The following CDH6 variants were observed in gnomAD, a reference collection of about 807,000 sequenced individuals.
CDH6 encodes the protein cadherin 6.
A neutral mutation model predicts 78.0 loss-of-function variants in CDH6; 31 were observed. The ratio of observed to expected loss-of-function variants is 0.40; its 90% confidence interval spans 0.30 to 0.54. CDH6 has a LOEUF of 0.54. Ranked by LOEUF, CDH6 falls within the 20% of genes least tolerant of loss-of-function variation. The pLI, the probability that CDH6 is intolerant of heterozygous loss-of-function variation, is 0.56. For missense variants in CDH6, 724 were observed against 975.9 expected, an observed-to-expected ratio of 0.74 and a Z score of 3.44; for synonymous variants, 376 against 368.8, an observed-to-expected ratio of 1.02 and a Z score of -0.23.
At chr5:31,231,687 A>G (rs1170009705) in intron 1 of CDH6, among the ~76,000 whole-genome samples, 1 of 152,190 alleles carries the variant, frequency 6.6e-6, no homozygotes, top group South Asian at 2.1e-4. Flanking sequence ...TTTACTCCCC[A>G]TGATAACTCA....
chr5:31,293,908 TTTA>T, intron 2 of CDH6, 51 bp from the exon 3 acceptor site: 1 of 1,251,916 alleles, frequency 8.0e-7, no homozygotes, highest in Non-Finnish European at 1.1e-6. Flanking sequence ...ACAAAAACAG[TTTA>T]GAACCACATG....
intron 2 of CDH6, among the ~76,000 whole-genome samples, chr5:31,282,156 A>C (rs1742881370): frequency 6.6e-6 from 1 of 152,180 alleles, no homozygotes; most frequent in Non-Finnish European, 1.5e-5. Context: ...ACAAGTCACC[A>C]CAGATTTGTG....
Position 31,323,469 on chromosome 5 carries a change from C to T in CDH6, c.*161C>T. On this transcript the variant is annotated 3_prime_UTR_variant, in exon 12 of 12. Transcript: ENST00000265071. Reference sequence around the variant, plus strand: ...CAATGTTAGAGACTTTTTTCTAGTACACTTTTATGAGCTTCCAAGGGGCAA... The same window carrying T: ...CAATGTTAGAGACTTTTTTCTAGTATACTTTTATGAGCTTCCAAGGGGCAA... 1.2e-6 allele frequency: 1 copy of T among 805,080 alleles called. No homozygotes were observed. The highest frequency in any genetic ancestry group is 1.9e-6 in the Non-Finnish European group (1 of 529,788). 49.9% of individuals were successfully genotyped at this position (805,080 alleles called of 1,614,324 possible). A position where few individuals can be genotyped will look rare whatever the true frequency, so the allele number is the denominator to read the frequency against.
intron 1 of CDH6, among the ~76,000 whole-genome samples, chr5:31,241,780 G>C (rs935667910): frequency 3.9e-5 from 6 of 152,176 alleles, no homozygotes; most frequent in African/African-American, 9.7e-5. Flanking sequence ...TCCACTAATA[G>C]ACCTTTGGAG....
In CDH6 at chr5:31,317,674, C is replaced by T. The variant is rs921133018; in HGVS notation, c.1632C>T (p.Asp544=). 1.2e-6 allele frequency: 2 copies of T among 1,607,158 alleles called. No individual in the cohort carries two copies. The highest frequency in any genetic ancestry group is 3.3e-5 in the Admixed American group (2 of 59,848). Residue 544 remains aspartate, a splice_region_variant and synonymous_variant, in exon 11 of 12, where the codon GAC becomes GAT. Coordinates refer to ENST00000265071, the MANE Select transcript of CDH6 (RefSeq NM_004932.4). ...GSNFTIQDNK[D]NTAGILTRKN... ...CACCACTTTGCTTTCCGGTTCCAGA[C>T]AACACGGCGGGAATCTTAACTCGGA...
intron 1 of CDH6, among the ~76,000 whole-genome samples, chr5:31,212,762 GCA>G (rs72457836): frequency 0.078 from 11,452 of 147,376 alleles, 725 homozygotes; most frequent in East Asian, 0.37. Flanking sequence ...ACATGAACGT[GCA>G]CACACACACA....
At chr5:31,201,378 G>A (rs1740344500) in intron 1 of CDH6, among the ~76,000 whole-genome samples, 1 of 152,002 alleles carries the variant, frequency 6.6e-6, no homozygotes, top group South Asian at 2.1e-4. Context: ...ATCTAAATCA[G>A]TGATTCCCCA....
chr5:31,212,762 GCACACA>G (rs72457836), intron 1 of CDH6, among the ~76,000 whole-genome samples: 9 of 148,262 alleles, frequency 6.1e-5, no homozygotes, highest in African/African-American at 9.9e-5. Flanking sequence ...ACATGAACGT[GCACACA>G]CACACACACA....
rs146807524 is a variant in CDH6 at position 31,315,168 on chromosome 5, C to CCTCTATTT, written c.1391-1035_1391-1028dup. ...TCCTTGGTCATCATTCTAAGTAACA[C>CCTCTATTT]CTCTATTTCTCTCAATCCTTTTTCC... On this transcript the variant is annotated intron_variant, in intron 8 of 11. Coordinates refer to ENST00000265071, the MANE Select transcript of CDH6 (RefSeq NM_004932.4). 2.7e-4 allele frequency among the ~76,000 whole-genome samples: 41 copies of CCTCTATTT among 152,258 alleles called. No individual in the cohort carries two copies. In the East Asian group the frequency reaches 6.9e-3, roughly 26 times the overall value.
In CDH6 at chr5:31,209,293, C is replaced by CA. The variant is rs148049347; in HGVS notation, c.-129+15414dup. 6.1e-3 allele frequency among the ~76,000 whole-genome samples: 931 copies of CA among 152,060 alleles called. 9 individuals are homozygous for CA. Among genetic ancestry groups the CA allele is most frequent in the African/African-American group, 0.021 (867 of 41,460 alleles). ...GGAAAAGGAGTAGAAACTACAGGCT[C>CA]AAAAAAATGAGATCAGTGATTCCCA... On this transcript the variant is annotated intron_variant, in intron 1 of 11. Coordinates refer to ENST00000265071, the MANE Select transcript of CDH6 (RefSeq NM_004932.4).
At chr5:31,241,130 G>T (rs1329474346) in intron 1 of CDH6, among the ~76,000 whole-genome samples, 1 of 152,178 alleles carries the variant, frequency 6.6e-6, no homozygotes, top group Non-Finnish European at 1.5e-5. Flanking sequence ...AGGAGAAAAT[G>T]GACAAAGCAA....
rs1267550515 is a variant in CDH6 at position 31,211,460 on chromosome 5, A to G, written c.-129+17574A>G. ...ACAGTTTTCTTTTTTCTTTCTTACT[A>G]TAAATATCCCAAATCCTTCTTTAGG... On this transcript the variant is annotated intron_variant, in intron 1 of 11. Transcript: ENST00000265071. Among the ~76,000 whole-genome samples the G allele has an allele frequency of 2.6e-5, 4 of 152,128 alleles. 1 individual carries two copies. Among genetic ancestry groups the G allele is most frequent in the African/African-American group, 9.6e-5 (4 of 41,532 alleles).
At chr5:31,262,065 G>T (rs145383324) in intron 1 of CDH6, among the ~76,000 whole-genome samples, 134 of 152,226 alleles carry the variant, frequency 8.8e-4, no homozygotes, top group African/African-American at 3.1e-3. Context: ...CAATAACCTA[G>T]GGAAAAAGAT....
chr5:31,219,737 G>T (rs1740958767), intron 1 of CDH6, among the ~76,000 whole-genome samples: 1 of 152,012 alleles, frequency 6.6e-6, no homozygotes. Context: ...TTCTTTGTTG[G>T]GTTCCCAGCA....
At chr5:31,303,090 C>T (rs973879333) in intron 6 of CDH6, among the ~76,000 whole-genome samples, 1 of 152,078 alleles carries the variant, frequency 6.6e-6, no homozygotes, top group East Asian at 1.9e-4. Context: ...TTATTAAGAA[C>T]CTCCTAAGTA....
intron 11 of CDH6, 96 bp downstream of exon 11, chr5:31,318,020 T>C: frequency 2.1e-6 from 3 of 1,405,154 alleles, no homozygotes. Flanking sequence ...CATTAAGGCA[T>C]ACAGCCTGAT....
chr5:31,208,010 G>A (rs1740583901), intron 1 of CDH6, among the ~76,000 whole-genome samples: 1 of 152,190 alleles, frequency 6.6e-6, no homozygotes, highest in East Asian at 1.9e-4. Flanking sequence ...TGTATCCAGG[G>A]GGCTAACGCT....
intron 1 of CDH6, among the ~76,000 whole-genome samples, chr5:31,255,289 C>T (rs368763931): frequency 1.5e-4 from 23 of 152,194 alleles, no homozygotes; most frequent in African/African-American, 5.3e-4. Context: ...ACGGTGCCGT[C>T]GTTAAATTAG....
intron 6 of CDH6, among the ~76,000 whole-genome samples, chr5:31,304,281 G>A (rs552548662): frequency 3.9e-5 from 6 of 152,200 alleles, no homozygotes; most frequent in African/African-American, 9.6e-5. Context: ...CAGAATCACC[G>A]GGGGAAGTGT....
Sources: gnomAD v4.1 joint callset for allele counts (sites outside exome capture counted in the v4.1 genomes callset) on GRCh38, gnomAD v4.1.1 for gene constraint, MANE v1.5 for transcripts, NCBI Gene and HGNC (gene_info 2026-07-23, HGNC 2026-07-21) for gene names.